Variants in DNAJC11 observed in about 807,000 individuals in gnomAD.
DNAJC11 encodes the protein dnaJ homolog subfamily C member 11.
Under a neutral mutation model 78.6 loss-of-function variants are expected in DNAJC11, and 15 were observed. That is an observed-to-expected ratio of 0.19 (90% CI 0.13 to 0.29). The LOEUF is 0.29. Ranked by LOEUF, DNAJC11 falls within the 10% of genes least tolerant of loss-of-function variation. The pLI, the probability that DNAJC11 is intolerant of heterozygous loss-of-function variation, is 1.00. For missense variants in DNAJC11, 547 were observed against 709.6 expected (o/e 0.77, Z 2.60); for synonymous variants, 292 against 272.1 (o/e 1.07, Z -0.72).
intron 4 of DNAJC11, among the ~76,000 whole-genome samples, chr1:6,663,434 A>C (rs1472071538): frequency 6.6e-6 from 1 of 152,208 alleles, no homozygotes; most frequent in Non-Finnish European, 1.5e-5. Context: ...GCTGCCCTCC[A>C]CAGAGGGAGA....
At chr1:6,663,856 G>C (rs1424069960) in intron 4 of DNAJC11, among the ~76,000 whole-genome samples, 1 of 152,190 alleles carries the variant, frequency 6.6e-6, no homozygotes, top group Non-Finnish European at 1.5e-5. Flanking sequence ...AACCCAGAAA[G>C]CGGGCCTCCC....
chr1:6,635,071 G>T lies in DNAJC11; in HGVS notation c.*604C>A. The T allele has an allele frequency of 4.9e-6, 1 of 204,260 alleles. No individual in the cohort carries two copies. Among genetic ancestry groups the T allele is most frequent in the Non-Finnish European group, 9.8e-6 (1 of 102,428 alleles). The allele number at this position is 204,260 out of a possible 1,614,324, so 12.7% of individuals were successfully genotyped here. On this transcript the variant is annotated 3_prime_UTR_variant, in exon 16 of 16. Transcript: ENST00000377577. ...GGGGGCCGGTGGAATGACTTGAGCA[G>T]CTCTGGGAGTGGGGAAAAAAGACGA...
At chr1:6,662,853 C>G (rs1181734405) in intron 4 of DNAJC11, among the ~76,000 whole-genome samples, 1 of 151,990 alleles carries the variant, frequency 6.6e-6, no homozygotes, top group Non-Finnish European at 1.5e-5. Context: ...CTGCTCGGGT[C>G]CCCTTCCACA....
chr1:6,655,094 G>C (rs2148734612), intron 4 of DNAJC11, among the ~76,000 whole-genome samples: 1 of 152,304 alleles, frequency 6.6e-6, no homozygotes, highest in East Asian at 1.9e-4. Context: ...ACCGCGCCCA[G>C]CTGGTGCTAG....
chr1:6,650,998 C>T (rs1391517772), intron 7 of DNAJC11: 1 of 515,956 alleles, frequency 1.9e-6, no homozygotes, highest in East Asian at 5.6e-5. Flanking sequence ...TGAGCTCACA[C>T]AGACATCACT....
chr1:6,653,325 C>A lies in DNAJC11; in HGVS notation c.508-374G>T, dbSNP rs1642083494. ...ACCTTCCCATGGCTGTATTCTGTAT[C>A]AACTGACTCAGGGAGCTCCAAGAGG... is the stretch of plus-strand genomic sequence containing the variant. On this transcript the variant is annotated intron_variant, in intron 5 of 15. Transcript: ENST00000377577. The surrounding 1 kb of genome is among the most constrained non-coding windows in gnomAD (Gnocchi z 4.5). 6.6e-6 allele frequency among the ~76,000 whole-genome samples: 1 copy of A among 152,162 alleles called. No homozygotes were observed. The highest frequency in any genetic ancestry group is 2.4e-5 in the African/African-American group (1 of 41,424).
chr1:6,636,287 C>G, intron 14 of DNAJC11, 41 bp from the exon 15 acceptor site: 1 of 1,608,986 alleles, frequency 6.2e-7, no homozygotes, highest in Non-Finnish European at 8.5e-7. Context: ...TCCAGACGGT[C>G]TAAGACCAGC....
At chr1:6,637,127 G>A in intron 14 of DNAJC11, 71 bp downstream of exon 14, 6 of 1,588,558 alleles carry the variant, frequency 3.8e-6, no homozygotes, top group Non-Finnish European at 4.3e-6. Flanking sequence ...TAGGATTATA[G>A]GCCTGAGTCA....
intron 3 of DNAJC11, among the ~76,000 whole-genome samples, chr1:6,672,549 T>C (rs1557481635): frequency 6.6e-6 from 1 of 152,206 alleles, no homozygotes; most frequent in Non-Finnish European, 1.5e-5. Flanking sequence ...TACACAAATT[T>C]TGCAAATAGT....
Position 6,678,769 on chromosome 1 carries a change from T to C in DNAJC11, c.203-302A>G, listed in dbSNP as rs1241226721. Among the ~76,000 whole-genome samples, 3 of 152,270 alleles carry C rather than the reference T, an allele frequency of 2.0e-5. No individual in the cohort carries two copies. The East Asian group carries it at 5.8e-4, about 29-fold the overall frequency. ...CTGGGCTTAACTAATCCTCCTGCTC[T>C]AGCTTCCCAAGCAGCTGGGATTACA... On this transcript the variant is annotated intron_variant, in intron 2 of 15. Transcript: ENST00000377577.
At chr1:6,646,077 G>A (rs1259669542) in intron 7 of DNAJC11, 99 bp from the exon 8 acceptor site, 20 of 1,236,494 alleles carry the variant, frequency 1.6e-5, no homozygotes, top group Admixed American at 3.8e-5. Flanking sequence ...TTACTGTCAC[G>A]TCTATGCATC....
At chr1:6,689,689 T>C (rs568200477) in intron 1 of DNAJC11, among the ~76,000 whole-genome samples, 2 of 151,762 alleles carry the variant, frequency 1.3e-5, no homozygotes, top group Non-Finnish European at 2.9e-5. Context: ...GGCAGGAGAA[T>C]TGCTTGAACC....
chr1:6,636,986 CA>C (rs1641788930), intron 14 of DNAJC11, among the ~76,000 whole-genome samples: 1 of 152,190 alleles, frequency 6.6e-6, no homozygotes, highest in South Asian at 2.1e-4. Context: ...ACAGCTGGGA[CA>C]ACAGGTGTGT....
rs777405150 is a variant in DNAJC11, at chr1:6,634,680, C to G, written c.*995G>C. 5.1e-6 allele frequency: 7 copies of G among 1,366,154 alleles called. No individual in the cohort carries two copies. Among genetic ancestry groups the G allele is most frequent in the South Asian group, 4.5e-5 (4 of 87,942 alleles). 84.6% of individuals were successfully genotyped at this position (1,366,154 alleles called of 1,614,324 possible). A position where few individuals can be genotyped will look rare whatever the true frequency, so the allele number is the denominator to read the frequency against. On this transcript the variant is annotated 3_prime_UTR_variant, in exon 16 of 16. Transcript: ENST00000377577. Reference sequence around the variant, plus strand: ...CCTAGCTCCGCTGCATTCTGCATCCCAAGTGGGCACGTGGAGGAAGGGTCT... The same window carrying G: ...CCTAGCTCCGCTGCATTCTGCATCCGAAGTGGGCACGTGGAGGAAGGGTCT...
Position 6,637,350 on chromosome 1 carries a change from G to A in DNAJC11, c.1382-10C>T. On this transcript the variant is annotated splice_polypyrimidine_tract_variant and intron_variant, in intron 13 of 15. Coordinates refer to ENST00000377577, the MANE Select transcript of DNAJC11 (RefSeq NM_018198.4). ...TTGACGATGATGAGGCCTAAGGACA[G>A]ACTCCGAGTAGAGGAAGGCCTCCTC... 6.2e-7 allele frequency: 1 copy of A among 1,614,236 alleles called. No individual in the cohort carries two copies. The highest frequency in any genetic ancestry group is 8.5e-7 in the Non-Finnish European group (1 of 1,180,042).
At position 6,652,911 on chromosome 1, in the gene DNAJC11, C is replaced by T. The variant is rs1408297569; in HGVS notation, c.548G>A (p.Ser183Asn). The change falls in exon 6 of 16, where the codon AGC becomes AAC. Residue 183 changes from serine to asparagine, a missense_variant. Transcript: ENST00000377577. ...TCCATTTCCATTCTGGGTTGAGAGG[C>T]TTCCAGAGAGGATGGCTGTGTCTGT... ...TATDTAILSG[S>N]LSTQNGNGGG... is the part of the protein sequence containing the mutation. 6.2e-7 allele frequency: 1 copy of T among 1,614,184 alleles called. No individual in the cohort carries two copies. Among genetic ancestry groups the T allele is most frequent in the South Asian group, 1.1e-5 (1 of 91,080 alleles).
chr1:6,647,068 G>A (rs1262829280), intron 7 of DNAJC11, among the ~76,000 whole-genome samples: 1 of 146,268 alleles, frequency 6.8e-6, no homozygotes, highest in East Asian at 2.0e-4. Context: ...GAGCACTTGA[G>A]CCTGGACAGG....
intron 4 of DNAJC11, among the ~76,000 whole-genome samples, chr1:6,656,731 C>CAAAAA (rs33945459): frequency 8.1e-6 from 1 of 123,282 alleles, no homozygotes. Context: ...AAACTAAAAC[C>CAAAAA]AAAAAAAAAA....
chr1:6,700,275 A>G (rs372632316), intron 1 of DNAJC11, among the ~76,000 whole-genome samples: 4 of 152,280 alleles, frequency 2.6e-5, no homozygotes, highest in East Asian at 3.9e-4. Flanking sequence ...TCCCAAACCT[A>G]TAAGAACTAA....
Sources: gnomAD v4.1 joint callset for allele counts (sites outside exome capture counted in the v4.1 genomes callset) on GRCh38, gnomAD v4.1.1 for gene constraint, Gnocchi (gnomAD v3.1) non-coding constraint, MANE v1.5 for transcripts, NCBI Gene and HGNC (gene_info 2026-07-23, HGNC 2026-07-21) for gene names.